KIRREL3: variants seen among roughly 807,000 people sequenced by gnomAD.
The protein encoded by KIRREL3 is kirre like nephrin family adhesion molecule 3, also known as kin of IRRE-like protein 3.
A neutral mutation model predicts 89.7 loss-of-function variants in KIRREL3; 36 were observed. The ratio of observed to expected loss-of-function variants is 0.40; its 90% CI spans 0.31 to 0.53. KIRREL3 has a LOEUF of 0.53. Ranked by LOEUF, KIRREL3 falls within the 20% of genes least tolerant of loss-of-function variation. The probability of loss-of-function intolerance (pLI) is 0.49; values close to 1 mark genes in which losing one functional copy is unlikely to be tolerated. For synonymous variants in KIRREL3, 445 were observed against 441.4 expected (o/e 1.01, Z -0.10); for missense variants, 864 against 1,056.6 (o/e 0.82, Z 2.53).
Position 126,475,727 on chromosome 11 carries a change from T to C in KIRREL3, c.434-2261A>G. On this transcript the variant is annotated intron_variant, in intron 4 of 16. Coordinates refer to ENST00000525144, the MANE Select transcript of KIRREL3 (RefSeq NM_032531.4). The surrounding 1 kb of genome is among the most constrained non-coding windows in gnomAD (Gnocchi z 7.5). ...TTTCATTAGTGCCCATGGGCCTCCT[T>C]GGGGTGGGCCTGGCCACAGGGCAAA... Among the ~76,000 whole-genome samples, 1 of 152,186 alleles carries C rather than the reference T, an allele frequency of 6.6e-6. No individual in the cohort carries two copies. The highest frequency in any genetic ancestry group is 1.9e-4 in the East Asian group (1 of 5,194).
chr11:126,474,238 G>A lies in KIRREL3; in HGVS notation c.434-772C>T, dbSNP rs1022295355. 1.3e-5 allele frequency among the ~76,000 whole-genome samples: 2 copies of A among 152,148 alleles called. No individual in the cohort carries two copies. The highest frequency in any genetic ancestry group is 2.4e-5 in the African/African-American group (1 of 41,418). On this transcript the variant is annotated intron_variant, in intron 4 of 16. Coordinates refer to ENST00000525144, the MANE Select transcript of KIRREL3 (RefSeq NM_032531.4). This position sits in a 1 kb window ranked among gnomAD's most constrained non-coding sequence, Gnocchi z 6.7. Reference sequence around the variant, plus strand: ...TGCTGGGATTACAGGCGTGAGCCACGGCACCTGGCTTTTCTTTTTTCTTTA... The same window carrying A: ...TGCTGGGATTACAGGCGTGAGCCACAGCACCTGGCTTTTCTTTTTTCTTTA...
rs1183868591 is a variant in KIRREL3, at chr11:126,551,314, G to C, written c.133+11521C>G. 6.6e-6 allele frequency among the ~76,000 whole-genome samples: 1 copy of C among 152,142 alleles called. No homozygotes were observed. Among genetic ancestry groups the C allele is most frequent in the Non-Finnish European group, 1.5e-5 (1 of 68,034 alleles). ...TTAAGACCCACAATCAGAAAGTGGT[G>C]AAAGGTTAGAGTCCTGCGATGGGGC... On this transcript the variant is annotated intron_variant, in intron 2 of 16. Coordinates refer to ENST00000525144, the MANE Select transcript of KIRREL3 (RefSeq NM_032531.4). The surrounding 1 kb of genome is among the most constrained non-coding windows in gnomAD (Gnocchi z 4.9).
At chr11:126,533,958 C>T (rs757732080) in intron 2 of KIRREL3, among the ~76,000 whole-genome samples, 32 of 152,138 alleles carry the variant, frequency 2.1e-4, no homozygotes, top group African/African-American at 6.5e-4. Context: ...GGCTGGGCGA[C>T]GGGAAGCGTG....
Position 126,477,982 on chromosome 11 carries a change from C to T in KIRREL3, c.434-4516G>A, listed in dbSNP as rs1251047592. Among the ~76,000 whole-genome samples, 1 of 152,222 alleles carries T rather than the reference C, an allele frequency of 6.6e-6. No homozygotes were observed. Among genetic ancestry groups the T allele is most frequent in the African/African-American group, 2.4e-5 (1 of 41,460 alleles). On this transcript the variant is annotated intron_variant, in intron 4 of 16. Coordinates refer to ENST00000525144, the MANE Select transcript of KIRREL3 (RefSeq NM_032531.4). This position sits in a 1 kb window ranked among gnomAD's most constrained non-coding sequence, Gnocchi z 4.8. The stretch of plus-strand genomic sequence containing the variant: ...TGGCAGAGTGGGTCTATCACCAACA[C>T]CAAACCCTCCAGGGGCTTCCCGCTG...
chr11:126,934,452 T>C (rs1369994593), intron 1 of KIRREL3, among the ~76,000 whole-genome samples: 1 of 152,130 alleles, frequency 6.6e-6, no homozygotes, highest in Non-Finnish European at 1.5e-5. Context: ...GAATGTGAAC[T>C]TCATCAAAAT....
intron 1 of KIRREL3, among the ~76,000 whole-genome samples, chr11:126,617,879 A>G (rs980278274): frequency 2.8e-4 from 43 of 152,340 alleles, no homozygotes; most frequent in Admixed American, 2.8e-3. Flanking sequence ...ACATGAGGCT[A>G]TGAACATGTG....
Position 126,544,196 on chromosome 11 carries a change from G to A in KIRREL3, c.134-17509C>T, listed in dbSNP as rs1938602649. On this transcript the variant is annotated intron_variant, in intron 2 of 16. Coordinates refer to ENST00000525144, the MANE Select transcript of KIRREL3 (RefSeq NM_032531.4). The surrounding 1 kb of genome is among the most constrained non-coding windows in gnomAD (Gnocchi z 5.6). ...ACGCAACGATATTTGGTAACATGCG[G>A]CATCTTGGGGAGAGCATTCATGTCT... is the stretch of plus-strand genomic sequence containing the variant. 1 of 152,242 alleles carries A rather than the reference G, an allele frequency of 6.6e-6. No individual in the cohort carries two copies. The highest frequency in any genetic ancestry group is 1.5e-5 in the Non-Finnish European group (1 of 68,052). 9.4% of individuals were successfully genotyped at this position (152,242 alleles called of 1,614,324 possible). A position where few individuals can be genotyped will look rare whatever the true frequency, so the allele number is the denominator to read the frequency against.
intron 1 of KIRREL3, chr11:126,941,009 G>T (rs1197292326): frequency 1.3e-5 from 2 of 152,132 alleles, no homozygotes; most frequent in East Asian, 1.9e-4. Context: ...TACCTAGCTT[G>T]ATTGAAGCTT....
chr11:126,446,930 G>T (rs1471640775), intron 8 of KIRREL3, 44 bp from the exon 9 acceptor site: 1 of 1,587,796 alleles, frequency 6.3e-7, no homozygotes, highest in South Asian at 1.2e-5. Flanking sequence ...TGGGTGGGGA[G>T]CTCTGGGATC....
At chr11:126,935,892 T>A (rs974479438) in intron 1 of KIRREL3, 4 of 152,264 alleles carry the variant, frequency 2.6e-5, no homozygotes, top group Admixed American at 2.6e-4. Context: ...GTGGTAATGA[T>A]GTGTCAATGG....
Position 126,521,692 on chromosome 11 carries a change from G to A in KIRREL3, c.284-228C>T, listed in dbSNP as rs55748383. ...TCTCTCTGTATGTGTGTGTGTGTGTGTGTGTGTGTGTGTGTGTGTGTGTGT... is the reference window on the plus strand; with the variant it reads ...TCTCTCTGTATGTGTGTGTGTGTGTATGTGTGTGTGTGTGTGTGTGTGTGT... On this transcript the variant is annotated intron_variant, in intron 3 of 16. Coordinates refer to ENST00000525144, the MANE Select transcript of KIRREL3 (RefSeq NM_032531.4). The surrounding 1 kb of genome is among the most constrained non-coding windows in gnomAD (Gnocchi z 4.1). Among the ~76,000 whole-genome samples the A allele has an allele frequency of 9.7e-3, 127 of 13,046 alleles. 1 individual carries two copies. The highest frequency in any genetic ancestry group is 0.02 in the African/African-American group (113 of 5,764). 8.6% of individuals were successfully genotyped at this position (13,046 alleles called of 152,430 possible). A position where few individuals can be genotyped will look rare whatever the true frequency, so the allele number is the denominator to read the frequency against.
chr11:126,772,135 G>A lies in KIRREL3; in HGVS notation c.56-209223C>T, dbSNP rs1950038240. On this transcript the variant is annotated intron_variant, in intron 1 of 16. Coordinates refer to ENST00000525144, the MANE Select transcript of KIRREL3 (RefSeq NM_032531.4). The surrounding 1 kb of genome is among the most constrained non-coding windows in gnomAD (Gnocchi z 4.6). The stretch of plus-strand genomic sequence containing the variant: ...AGTCTCTCACTAATGTCTTAGCTCT[G>A]GTCTGTTCTAGATTCCTCAACCTGA... Among the ~76,000 whole-genome samples the A allele has an allele frequency of 6.6e-6, 1 of 152,040 alleles. No homozygotes were observed.
chr11:126,902,256 G>A (rs991485328), intron 1 of KIRREL3, among the ~76,000 whole-genome samples: 1 of 152,240 alleles, frequency 6.6e-6, no homozygotes. Flanking sequence ...GGGAAGGGCT[G>A]TAGATATCCT....
intron 1 of KIRREL3, among the ~76,000 whole-genome samples, chr11:126,863,441 G>GTT (rs1944784716): frequency 2.9e-5 from 4 of 137,114 alleles, no homozygotes; most frequent in East Asian, 4.5e-4. Flanking sequence ...GAGTGCGTGT[G>GTT]TGAGTGTGTG....
intron 1 of KIRREL3, among the ~76,000 whole-genome samples, chr11:126,916,580 T>C (rs1463668241): frequency 1.3e-5 from 2 of 151,986 alleles, no homozygotes; most frequent in Admixed American, 6.6e-5. Context: ...AACTGATCGG[T>C]ACAGAAAGCC....
chr11:126,738,816 C>T (rs570548906), intron 1 of KIRREL3, among the ~76,000 whole-genome samples: 75 of 152,174 alleles, frequency 4.9e-4, no homozygotes, highest in Non-Finnish European at 6.8e-4. Flanking sequence ...TTTATGAAGA[C>T]GAGAAGAAAT....
intron 1 of KIRREL3, among the ~76,000 whole-genome samples, chr11:126,963,682 T>G (rs1207501022): frequency 3.9e-5 from 6 of 152,216 alleles, no homozygotes; most frequent in African/African-American, 1.4e-4. Flanking sequence ...TATCATCTCC[T>G]TATACCCCAA....
chr11:126,581,938 T>C (rs955669298), intron 1 of KIRREL3, among the ~76,000 whole-genome samples: 1 of 152,170 alleles, frequency 6.6e-6, no homozygotes, highest in African/African-American at 2.4e-5. Flanking sequence ...CCTGACCTCC[T>C]GGATCCCTAG....
rs1565499120 is a variant in KIRREL3 at position 126,495,848 on chromosome 11, C to T, written c.434-22382G>A. Among the ~76,000 whole-genome samples the T allele has an allele frequency of 6.6e-6, 1 of 152,234 alleles. No homozygotes were observed. The highest frequency in any genetic ancestry group is 1.5e-5 in the Non-Finnish European group (1 of 68,034). ...ACACTCAGCAAATGGCAACTGCATG[C>T]TACCAGGAGCTCAGGCCAAACACCT... On this transcript the variant is annotated intron_variant, in intron 4 of 16. Coordinates refer to ENST00000525144, the MANE Select transcript of KIRREL3 (RefSeq NM_032531.4). The surrounding 1 kb of genome is among the most constrained non-coding windows in gnomAD (Gnocchi z 6.5).
Sources: allele counts gnomAD v4.1 joint callset (sites outside exome capture counted in the v4.1 genomes callset), GRCh38; gene constraint gnomAD v4.1.1; non-coding constraint Gnocchi (gnomAD v3.1); transcripts MANE v1.5; gene names NCBI Gene and HGNC (gene_info 2026-07-23, HGNC 2026-07-21).